The following RC3H1 variants were observed in gnomAD, a reference collection of about 807,000 sequenced individuals.
RC3H1 encodes the protein roquin-1.
RC3H1 carries 50 observed loss-of-function variants against 138.2 expected under a neutral mutation model. That is an observed-to-expected ratio of 0.36 (90% CI 0.29 to 0.46). RC3H1 has a LOEUF of 0.46. Among genes scored for constraint, RC3H1 ranks in the 20% least tolerant of loss-of-function variants. The pLI is 1.00. For synonymous variants in RC3H1, 462 were observed against 489.1 expected, an observed-to-expected ratio of 0.94 and a Z score of 0.73; for missense variants, 1,031 against 1,388.1, an observed-to-expected ratio of 0.74 and a Z score of 4.09.
intron 14 of RC3H1, 119 bp downstream of exon 14, chr1:173,951,867 T>C (rs1387330769): frequency 1.2e-6 from 1 of 861,634 alleles, no homozygotes. Flanking sequence ...CTGCAGAGTA[T>C]AGAATATGGT....
rs374932623 is a variant in RC3H1, at chr1:173,990,635, C to A, written c.231+2120G>T. ...TTGCCCAGGCTGGAGTGCAGTGGTG[C>A]GATCTCGGCTCACTGCAAGCTCCGC... On this transcript the variant is annotated intron_variant, in intron 2 of 19. Coordinates refer to ENST00000367696, the MANE Select transcript of RC3H1 (RefSeq NM_172071.4). Among the ~76,000 whole-genome samples the A allele has an allele frequency of 2.9e-4, 44 of 150,350 alleles. 1 individual carries two copies. Among genetic ancestry groups the A allele is most frequent in the African/African-American group, 1.1e-3 (44 of 40,720 alleles).
At chr1:173,954,831 A>G (rs1659563408) in intron 13 of RC3H1, among the ~76,000 whole-genome samples, 1 of 152,168 alleles carries the variant, frequency 6.6e-6, no homozygotes, top group Non-Finnish European at 1.5e-5. Context: ...AAAATTTTCT[A>G]CTTAGGATCT....
At position 173,933,781 on chromosome 1, in the gene RC3H1, T is replaced by C. The variant is rs1001189222; in HGVS notation, c.*4940A>G. ...CACTCAGGTAAAATGATGACAGTAG[T>C]AGACTGCTTGCTTGTTTAGGTGCTA... On this transcript the variant is annotated 3_prime_UTR_variant, in exon 20 of 20. Coordinates refer to ENST00000367696, the MANE Select transcript of RC3H1 (RefSeq NM_172071.4). 3 of 152,188 alleles carry C rather than the reference T, an allele frequency of 2.0e-5. No individual in the cohort carries two copies. The highest frequency in any genetic ancestry group is 2.9e-5 in the Non-Finnish European group (2 of 68,002). The allele number at this position is 152,188 out of a possible 1,614,324, so 9.4% of individuals were successfully genotyped here. A position where few individuals can be genotyped will look rare whatever the true frequency, so the allele number is the denominator to read the frequency against.
intron 19 of RC3H1, 84 bp downstream of exon 19, chr1:173,941,181 G>A (rs1257763158): frequency 2.5e-6 from 2 of 792,660 alleles, no homozygotes; most frequent in African/African-American, 1.7e-5. Flanking sequence ...TATTTATGAG[G>A]GTATTTCTGA....
intron 6 of RC3H1, 84 bp downstream of exon 6, chr1:173,980,725 G>T: frequency 2.1e-6 from 2 of 958,760 alleles, no homozygotes; most frequent in African/African-American, 1.6e-5. Flanking sequence ...AAGCTATACA[G>T]TATTCACTTT....
At chr1:174,003,485 C>T (rs1002465615) in intron 1 of RC3H1, among the ~76,000 whole-genome samples, 1 of 151,852 alleles carries the variant, frequency 6.6e-6, no homozygotes, top group Non-Finnish European at 1.5e-5. Flanking sequence ...CATCAATCGC[C>T]ATGTACATAT....
At position 173,964,147 on chromosome 1, in the gene RC3H1, T is replaced by G; in HGVS notation, c.1657A>C (p.Asn553His). The G allele has an allele frequency of 6.2e-7, 1 of 1,614,110 alleles. No individual in the cohort carries two copies. The highest frequency in any genetic ancestry group is 8.5e-7 in the Non-Finnish European group (1 of 1,179,982). Residue 553 changes from asparagine (N) to histidine (H), a missense_variant, in exon 11 of 20, where the codon AAT (asparagine) becomes CAT (histidine). Around this residue, in one of 7 missense-constraint regions of RC3H1, gnomAD observed 716 missense variants for 837.9 expected, o/e 0.85. Coordinates refer to ENST00000367696, the MANE Select transcript of RC3H1 (RefSeq NM_172071.4). ...CCCCTTGGAGGTATAGAATGTGGAT[T>G]CACAGGTAAGGCAGAAATACTCTTA... Reference protein sequence around the residue: ...VPKSISALPVNPHSIPPRGPA... With the variant: ...VPKSISALPVHPHSIPPRGPA...
At chr1:173,957,504 G>A (rs1479222528) in intron 13 of RC3H1, among the ~76,000 whole-genome samples, 2 of 151,882 alleles carry the variant, frequency 1.3e-5, no homozygotes, top group Non-Finnish European at 2.9e-5. Context: ...AAAGTTCCAG[G>A]GTGTACTCTA....
chr1:173,992,147 A>C (rs1388153608), intron 2 of RC3H1, among the ~76,000 whole-genome samples: 2 of 151,864 alleles, frequency 1.3e-5, no homozygotes, highest in East Asian at 1.9e-4. Context: ...CTTACCTCTT[A>C]GGTTTCTTTT....
chr1:174,007,771 T>A (rs1661680679), intron 1 of RC3H1, among the ~76,000 whole-genome samples: 1 of 152,170 alleles, frequency 6.6e-6, no homozygotes, highest in Non-Finnish European at 1.5e-5. Flanking sequence ...ACAACATTAT[T>A]TTTGTTAGAT....
At chr1:173,996,907 G>A (rs1222512109) in intron 1 of RC3H1, among the ~76,000 whole-genome samples, 6 of 151,790 alleles carry the variant, frequency 4.0e-5, no homozygotes, top group African/African-American at 1.2e-4. Context: ...GAAAGGCAAA[G>A]GAATTCTGTT....
At chr1:173,952,371 TTTTG>T in intron 13 of RC3H1, among the ~76,000 whole-genome samples, 1 of 139,678 alleles carries the variant, frequency 7.2e-6, no homozygotes, top group Non-Finnish European at 1.5e-5. Flanking sequence ...GGTTTTTTTT[TTTTG>T]TTTTTTTTTT....
intron 18 of RC3H1, 101 bp downstream of exon 18, chr1:173,943,341 C>T (rs1658989871): frequency 1.8e-6 from 2 of 1,140,200 alleles, no homozygotes; most frequent in South Asian, 1.8e-5. Flanking sequence ...AACCACTCAT[C>T]AGAGTGCCTT....
rs1461841124 is a variant in RC3H1, at chr1:173,975,694, C to T, written c.1102+2794G>A. ...CGGGCGGATCACGAGGTCAGGAGAT[C>T]GAGACCATCCTGGCTAACAAGGTGA... On this transcript the variant is annotated intron_variant, in intron 7 of 19. Transcript: ENST00000367696. 8.3e-4 allele frequency among the ~76,000 whole-genome samples: 51 copies of T among 61,108 alleles called. 6 individuals are homozygous for T. Among genetic ancestry groups the T allele is most frequent in the African/African-American group, 2.7e-3 (6 of 2,194 alleles). The allele number at this position is 61,108 out of a possible 152,430, so 40.1% of individuals were successfully genotyped here.
intron 13 of RC3H1, among the ~76,000 whole-genome samples, chr1:173,960,692 T>C (rs1368130628): frequency 1.3e-5 from 2 of 152,162 alleles, no homozygotes; most frequent in Admixed American, 1.3e-4. Flanking sequence ...CACCACATAT[T>C]GAGACTTATT....
intron 12 of RC3H1, 121 bp downstream of exon 12, chr1:173,961,604 A>G: frequency 1.9e-6 from 2 of 1,028,304 alleles, no homozygotes; most frequent in East Asian, 2.5e-5. Flanking sequence ...ATTTAAAAAA[A>G]AAAGAAGCTC....
At chr1:173,958,765 GC>G (rs1659748940) in intron 13 of RC3H1, among the ~76,000 whole-genome samples, 1 of 151,390 alleles carries the variant, frequency 6.6e-6, no homozygotes, top group Admixed American at 6.6e-5. Flanking sequence ...TATGGTTATT[GC>G]CCTGTGATAC....
intron 1 of RC3H1, among the ~76,000 whole-genome samples, chr1:174,004,653 A>C (rs76157821): frequency 3.1e-5 from 2 of 64,418 alleles, no homozygotes; most frequent in Non-Finnish European, 5.0e-5. Flanking sequence ...TAAAAATACA[A>C]AAAAAAAAAA....
chr1:173,949,791 A>G (rs1435267419), intron 14 of RC3H1, among the ~76,000 whole-genome samples: 2 of 152,248 alleles, frequency 1.3e-5, no homozygotes, highest in Non-Finnish European at 2.9e-5. Flanking sequence ...AATGTCCACC[A>G]ATACAAAAAA....
Sources: allele counts gnomAD v4.1 joint callset (sites outside exome capture counted in the v4.1 genomes callset), GRCh38; gene constraint gnomAD v4.1.1; regional missense constraint gnomAD v4.1.1; transcripts MANE v1.5; gene names NCBI Gene and HGNC (gene_info 2026-07-23, HGNC 2026-07-21).